SMAD6: variants seen among roughly 807,000 people sequenced by gnomAD.
SMAD6 encodes the protein MAD homolog 6.
In SMAD6, 103 loss-of-function variants were observed where a neutral mutation model predicts 39.4. The observed-to-expected ratio is 2.62, with a 90% CI of 2.23 to 3.08. SMAD6 has a LOEUF of 3.08. Among genes scored for constraint, SMAD6 ranks in the 30% most tolerant of loss-of-function variants. The probability of loss-of-function intolerance (pLI) is 0.00; values close to 1 mark genes in which losing one functional copy is unlikely to be tolerated. For synonymous variants in SMAD6, 445 were observed against 353.3 expected, an observed-to-expected ratio of 1.26 and a Z score of -2.91; for missense variants, 1,104 against 742.9, an observed-to-expected ratio of 1.49 and a Z score of -5.65.
intron 3 of SMAD6, among the ~76,000 whole-genome samples, chr15:66,731,711 A>G (rs1893633022): frequency 1.3e-5 from 2 of 152,302 alleles, no homozygotes; most frequent in South Asian, 4.1e-4. Flanking sequence ...TTGTGTGAAC[A>G]TGGATTTCAG....
At chr15:66,750,591 C>T (rs74462527) in intron 3 of SMAD6, among the ~76,000 whole-genome samples, 6,974 of 150,144 alleles carry the variant, frequency 0.046, 199 homozygotes, top group South Asian at 0.13. Context: ...CAGGAGCAGA[C>T]CTCGCACCAA....
At chr15:66,739,688 A>G (rs969362651) in intron 3 of SMAD6, among the ~76,000 whole-genome samples, 1 of 152,246 alleles carries the variant, frequency 6.6e-6, no homozygotes, top group Admixed American at 6.5e-5. Context: ...ATATTAGGGA[A>G]AACTTGGAAA....
intron 3 of SMAD6, among the ~76,000 whole-genome samples, chr15:66,723,915 A>T (rs1893478035): frequency 6.6e-6 from 1 of 152,080 alleles, no homozygotes; most frequent in Non-Finnish European, 1.5e-5. Flanking sequence ...GTGGGGATGG[A>T]GTATTCAGGG....
At chr15:66,765,112 C>T (rs1165645676) in intron 3 of SMAD6, among the ~76,000 whole-genome samples, 1 of 152,242 alleles carries the variant, frequency 6.6e-6, no homozygotes, top group African/African-American at 2.4e-5. Context: ...GGCTGAGTTG[C>T]AGCCCTCACC....
intron 3 of SMAD6, among the ~76,000 whole-genome samples, chr15:66,778,676 T>A (rs117676491): frequency 6.6e-6 from 1 of 152,252 alleles, no homozygotes; most frequent in South Asian, 2.1e-4. Context: ...ACTTGCTCAG[T>A]GTGCAGGTTT....
At chr15:66,769,909 C>T (rs1484634738) in intron 3 of SMAD6, among the ~76,000 whole-genome samples, 1 of 152,106 alleles carries the variant, frequency 6.6e-6, no homozygotes, top group Non-Finnish European at 1.5e-5. Flanking sequence ...CTCACTACAA[C>T]CTCTACCTCC....
At chr15:66,746,511 G>C (rs1294282118) in intron 3 of SMAD6, among the ~76,000 whole-genome samples, 6 of 152,128 alleles carry the variant, frequency 3.9e-5, no homozygotes, top group Non-Finnish European at 4.4e-5. Flanking sequence ...GCTCTAGGGG[G>C]GTGGGGGGTC....
intron 3 of SMAD6, among the ~76,000 whole-genome samples, chr15:66,729,828 G>A (rs1893593318): frequency 6.6e-6 from 1 of 152,186 alleles, no homozygotes; most frequent in African/African-American, 2.4e-5. Context: ...TCTGGAGAGT[G>A]GTGTGCATCA....
rs113950075 is a variant in SMAD6 at position 66,723,230 on chromosome 15, T to C, written c.952+6732T>C. Among the ~76,000 whole-genome samples, 754 of 152,270 alleles carry C rather than the reference T, an allele frequency of 5.0e-3. 4 individuals are homozygous for C. Among genetic ancestry groups the C allele is most frequent in the African/African-American group, 0.017 (714 of 41,542 alleles). On this transcript the variant is annotated intron_variant, in intron 3 of 3. Coordinates refer to ENST00000288840, the MANE Select transcript of SMAD6 (RefSeq NM_005585.5). ...TCCCAAGGCACTAAAGCTTGGGGGC[T>C]GCAGTGGGGATATACTTGCAAAGTC...
chr15:66,715,413 C>T (rs74654350), intron 2 of SMAD6, among the ~76,000 whole-genome samples: 1,845 of 152,220 alleles, frequency 0.012, 35 homozygotes, highest in East Asian at 0.077. Context: ...CCTGGGCAAA[C>T]GGTTTTATCC....
In SMAD6 at chr15:66,703,594, C is replaced by T. The variant is rs371330988; in HGVS notation, c.336C>T (p.Gly112=). ...TGCTGGACGTGGCGGAGCCGGGAGG[C>T]CCGGGCTGGCTGCCCGAGAGTGACT... ...SSLLDVAEPG[G]PGWLPESDCE... is the part of the protein sequence containing the mutation. The change falls in exon 1 of 4, where the codon GGC becomes GGT. Residue 112 remains glycine (G), a synonymous_variant. Transcript: ENST00000288840. 9 of 1,227,950 alleles carry T rather than the reference C, an allele frequency of 7.3e-6. No individual in the cohort carries two copies. Among genetic ancestry groups the T allele is most frequent in the Non-Finnish European group, 9.2e-6 (9 of 982,086 alleles). The allele number at this position is 1,227,950 out of a possible 1,614,324, so 76.1% of individuals were successfully genotyped here.
chr15:66,742,956 T>C (rs1191685151), intron 3 of SMAD6, among the ~76,000 whole-genome samples: 1 of 152,146 alleles, frequency 6.6e-6, no homozygotes, highest in Non-Finnish European at 1.5e-5. Context: ...CCAGAACAGC[T>C]GCCCTTCCAC....
chr15:66,705,907 G>T, intron 1 of SMAD6: 1 of 152,456 alleles, frequency 6.6e-6, no homozygotes, highest in East Asian at 1.9e-4. Context: ...TTGGAGGATG[G>T]GTCAGAGGAG....
chr15:66,738,148 A>C (rs960526326), intron 3 of SMAD6, among the ~76,000 whole-genome samples: 1 of 152,130 alleles, frequency 6.6e-6, no homozygotes, highest in Non-Finnish European at 1.5e-5. Flanking sequence ...TCCTGTGGAA[A>C]ATGTACACTG....
At chr15:66,777,652 G>A (rs1357813433) in intron 3 of SMAD6, among the ~76,000 whole-genome samples, 1 of 152,198 alleles carries the variant, frequency 6.6e-6, no homozygotes, top group Non-Finnish European at 1.5e-5. Context: ...CAACTGGGGG[G>A]CACTGACCAG....
At chr15:66,711,814 G>A (rs753165976) in intron 2 of SMAD6, 90 bp downstream of exon 2, 3 of 991,984 alleles carry the variant, frequency 3.0e-6, no homozygotes, top group Non-Finnish European at 4.8e-6. Flanking sequence ...AGGGCTGGAG[G>A]GCTGGAGGGC....
At chr15:66,769,708 A>T (rs1368524982) in intron 3 of SMAD6, among the ~76,000 whole-genome samples, 1 of 152,184 alleles carries the variant, frequency 6.6e-6, no homozygotes, top group Non-Finnish European at 1.5e-5. Context: ...TAGGTCCAAG[A>T]AGAAGTTTAA....
chr15:66,759,660 T>A (rs551282345), intron 3 of SMAD6, among the ~76,000 whole-genome samples: 1 of 152,364 alleles, frequency 6.6e-6, no homozygotes, highest in Admixed American at 6.5e-5. Context: ...ACTAGAGTGA[T>A]CTGTCCTACC....
chr15:66,773,079 G>A (rs930916495), intron 3 of SMAD6, among the ~76,000 whole-genome samples: 2 of 152,154 alleles, frequency 1.3e-5, no homozygotes, highest in African/African-American at 4.8e-5. Flanking sequence ...GCCGCCAAAA[G>A]AGCCCCTGAG....
Sources: allele counts gnomAD v4.1 joint callset (sites outside exome capture counted in the v4.1 genomes callset), GRCh38; gene constraint gnomAD v4.1.1; transcripts MANE v1.5; gene names NCBI Gene and HGNC (gene_info 2026-07-23, HGNC 2026-07-21).